The following MTMR8 variants were observed in gnomAD, a reference collection of about 807,000 sequenced individuals.
MTMR8 encodes the protein myotubularin related protein 8.
Under a neutral mutation model 39.3 loss-of-function variants are expected in MTMR8, and 65 were observed. The ratio of observed to expected loss-of-function variants is 1.65; its 90% confidence interval spans 1.35 to 2.03. MTMR8 has a LOEUF of 2.03. MTMR8 is among the 30% of genes most tolerant of loss of function. The pLI, the probability that MTMR8 is intolerant of heterozygous loss-of-function variation, is 0.00. For synonymous variants in MTMR8, 245 were observed against 185.2 expected, an observed-to-expected ratio of 1.32 and a Z score of -2.62; for missense variants, 777 against 538.9, an observed-to-expected ratio of 1.44 and a Z score of -4.37.
chrX:64,286,013 T>C (rs1483039866), intron 12 of MTMR8, among the ~76,000 whole-genome samples: 2 of 111,426 alleles, frequency 1.8e-5, no homozygotes, highest in African/African-American at 6.5e-5. Context: ...CAAAAAACTC[T>C]TCAAAAAATC....
intron 12 of MTMR8, among the ~76,000 whole-genome samples, chrX:64,311,767 CTTTT>C (rs1193336126): frequency 2.5e-5 from 2 of 80,915 alleles, no homozygotes; most frequent in Admixed American, 2.8e-4. Flanking sequence ...TTCCCCATTG[CTTTT>C]TTTTTTTTTT....
intron 12 of MTMR8, among the ~76,000 whole-genome samples, chrX:64,304,866 A>ATG (rs1922030943): frequency 2.9e-5 from 1 of 34,308 alleles, no homozygotes; most frequent in Non-Finnish European, 4.2e-5. Flanking sequence ...ACATTTATAT[A>ATG]TATATATATA....
At chrX:64,337,927 C>T (rs1923119514) in intron 8 of MTMR8, among the ~76,000 whole-genome samples, 1 of 111,805 alleles carries the variant, frequency 8.9e-6, no homozygotes, top group Admixed American at 9.5e-5. Flanking sequence ...GAAATTTTGG[C>T]AATGGTACAT....
At chrX:64,318,525 G>A (rs188425996) in intron 12 of MTMR8, among the ~76,000 whole-genome samples, 14 of 110,703 alleles carry the variant, frequency 1.3e-4, no homozygotes, top group African/African-American at 4.0e-4. Context: ...ACTCACAATC[G>A]TGTTGTTCCT....
At chrX:64,349,569 A>T (rs1340596418) in intron 5 of MTMR8, among the ~76,000 whole-genome samples, 2 of 111,353 alleles carry the variant, frequency 1.8e-5, no homozygotes, top group Non-Finnish European at 3.8e-5. Context: ...ATTATATGAA[A>T]AGCACTAAGA....
At chrX:64,359,352 G>C in intron 2 of MTMR8, 53 bp downstream of exon 2, 1 of 1,115,733 alleles carries the variant, frequency 9.0e-7, no homozygotes, top group South Asian at 2.3e-5. Context: ...CATATAGAGA[G>C]CATGTATGCA....
intron 3 of MTMR8, among the ~76,000 whole-genome samples, chrX:64,355,883 C>A (rs1212604519): frequency 9.0e-6 from 1 of 111,246 alleles, no homozygotes; most frequent in African/African-American, 3.3e-5. Flanking sequence ...CAAGTTGATA[C>A]TTTAAAGGAG....
At chrX:64,351,429 T>C (rs1386735998) in intron 4 of MTMR8, among the ~76,000 whole-genome samples, 2 of 111,658 alleles carry the variant, frequency 1.8e-5, no homozygotes, top group African/African-American at 3.3e-5. Context: ...CCAATGACTC[T>C]CTCTGCAGAA....
intron 12 of MTMR8, among the ~76,000 whole-genome samples, chrX:64,300,924 T>C (rs1218920087): frequency 9.0e-6 from 1 of 110,861 alleles, no homozygotes; most frequent in Non-Finnish European, 1.9e-5. Flanking sequence ...TTGTGGCTTG[T>C]AGGGTTTCTG....
chrX:64,284,817 G>A (rs1236185515), intron 12 of MTMR8, among the ~76,000 whole-genome samples: 2 of 111,963 alleles, frequency 1.8e-5, no homozygotes, highest in Non-Finnish European at 3.8e-5. Context: ...AAGAGCTCCT[G>A]AAGGAAGCAC....
intron 10 of MTMR8, 48 bp downstream of exon 10, chrX:64,336,031 C>T (rs368398570): frequency 1.2e-5 from 12 of 1,010,232 alleles, no homozygotes; most frequent in Non-Finnish European, 1.6e-5. Flanking sequence ...ATACTTCACC[C>T]TAATGAACTA....
chrX:64,275,543 T>G (rs766004903), intron 12 of MTMR8, among the ~76,000 whole-genome samples: 1 of 104,971 alleles, frequency 9.5e-6, no homozygotes, highest in Admixed American at 1.1e-4. Flanking sequence ...AAAAAACATT[T>G]AGAAAATAGC....
At chrX:64,284,408 T>A (rs998380327) in intron 12 of MTMR8, among the ~76,000 whole-genome samples, 2 of 112,111 alleles carry the variant, frequency 1.8e-5, no homozygotes, top group Non-Finnish European at 3.8e-5. Flanking sequence ...CTGCAGGATA[T>A]TATCCAGGAG....
intron 8 of MTMR8, among the ~76,000 whole-genome samples, chrX:64,342,376 C>T (rs989099254): frequency 8.0e-5 from 9 of 112,014 alleles, no homozygotes; most frequent in Non-Finnish European, 1.1e-4. Context: ...AGTTCTCACG[C>T]TTGGGATATT....
intron 6 of MTMR8, among the ~76,000 whole-genome samples, chrX:64,346,339 T>A (rs1411435797): frequency 9.0e-6 from 1 of 110,984 alleles, no homozygotes; most frequent in Admixed American, 9.6e-5. Context: ...GGGAAAAAAG[T>A]CAGTGTGCTA....
intron 6 of MTMR8, 144 bp from the exon 7 acceptor site, chrX:64,345,321 G>T: frequency 1.7e-6 from 1 of 585,065 alleles, no homozygotes; most frequent in Non-Finnish European, 2.5e-6. Flanking sequence ...TTCTGGAATG[G>T]AGAGAATTTC....
chrX:64,311,111 C>T (rs773747839), intron 12 of MTMR8, among the ~76,000 whole-genome samples: 10 of 111,838 alleles, frequency 8.9e-5, no homozygotes, highest in African/African-American at 2.9e-4. Flanking sequence ...ATTTACACTC[C>T]CACCAACAGT....
chrX:64,375,369 A>G (rs745501264), intron 1 of MTMR8, among the ~76,000 whole-genome samples: 1 of 110,898 alleles, frequency 9.0e-6, no homozygotes, highest in Non-Finnish European at 1.9e-5. Context: ...AAAAAAAAAA[A>G]GTAAAGGGAT....
At chrX:64,318,312 G>C (rs147019646) in intron 12 of MTMR8, among the ~76,000 whole-genome samples, 1,128 of 112,312 alleles carry the variant, frequency 0.01, 26 homozygotes, top group African/African-American at 0.035. Context: ...TGGCTAAGTA[G>C]AGCCATAGTG....
Sources: gnomAD v4.1 joint callset for allele counts (sites outside exome capture counted in the v4.1 genomes callset) on GRCh38, gnomAD v4.1.1 for gene constraint, MANE v1.5 for transcripts, NCBI Gene and HGNC (gene_info 2026-07-23, HGNC 2026-07-21) for gene names.